Variants in OR4E2 observed in about 807,000 individuals in gnomAD.
The protein encoded by OR4E2 is olfactory receptor 4E2.
A neutral mutation model predicts 11.0 loss-of-function variants in OR4E2; 9 were observed. The ratio of observed to expected loss-of-function variants is 0.82; its 90% CI spans 0.49 to 1.43. The LOEUF (loss-of-function observed/expected upper bound fraction) is 1.43, where lower values mean the gene tolerates loss of function less well. Among genes scored for constraint, OR4E2 ranks in the 40% most tolerant of loss-of-function variants. The pLI is 0.00. For missense variants in OR4E2, 441 were observed against 382.0 expected (o/e 1.15, Z -1.29); for synonymous variants, 159 against 147.3 (o/e 1.08, Z -0.57).
At chr14:21,663,947 G>A (rs1209788737) in intron 3 of OR4E2, among the ~76,000 whole-genome samples, 1 of 152,082 alleles carries the variant, frequency 6.6e-6, no homozygotes, top group Non-Finnish European at 1.5e-5. Flanking sequence ...TCCTTTTTAT[G>A]GCTGCATAAT....
Position 21,666,859 on chromosome 14 carries a change from T to A in OR4E2, c.*835T>A, listed in dbSNP as rs1042250763. 1 of 152,228 alleles carries A rather than the reference T, an allele frequency of 6.6e-6. No homozygotes were observed. The highest frequency in any genetic ancestry group is 2.1e-4 in the South Asian group (1 of 4,820). The allele number at this position is 152,228 out of a possible 1,614,324, so 9.4% of individuals were successfully genotyped here. A position where few individuals can be genotyped will look rare whatever the true frequency, so the allele number is the denominator to read the frequency against. ...GGTGCATGCCATCATGCCTGGCTAATTTTTATATGTTTAGTAGAGATGAGG... is the reference window on the plus strand; with the variant it reads ...GGTGCATGCCATCATGCCTGGCTAAATTTTATATGTTTAGTAGAGATGAGG... On this transcript the variant is annotated 3_prime_UTR_variant, in exon 4 of 4. Coordinates refer to ENST00000641524, the MANE Select transcript of OR4E2 (RefSeq NM_001001912.3).
At chr14:21,656,261 G>C (rs976924855) in intron 1 of OR4E2, among the ~76,000 whole-genome samples, 1 of 152,026 alleles carries the variant, frequency 6.6e-6, no homozygotes, top group African/African-American at 2.4e-5. Flanking sequence ...TTGGGAGGTT[G>C]AGATGGGAGA....
At chr14:21,654,987 T>C (rs949134729) in intron 1 of OR4E2, among the ~76,000 whole-genome samples, 1 of 152,182 alleles carries the variant, frequency 6.6e-6, no homozygotes, top group Non-Finnish European at 1.5e-5. Context: ...CGCCACATTA[T>C]GGAGGGCAAT....
At chr14:21,658,791 G>A (rs911831992) in intron 2 of OR4E2, among the ~76,000 whole-genome samples, 2 of 152,042 alleles carry the variant, frequency 1.3e-5, no homozygotes, top group Non-Finnish European at 2.9e-5. Context: ...GGAAGAGATA[G>A]ATTTCATTGA....
In OR4E2 at chr14:21,666,148, C is replaced by A; in HGVS notation, c.*124C>A. 1.5e-6 allele frequency: 1 copy of A among 647,674 alleles called. No homozygotes were observed. Among genetic ancestry groups the A allele is most frequent in the Non-Finnish European group, 2.7e-6 (1 of 372,954 alleles). 40.1% of individuals were successfully genotyped at this position (647,674 alleles called of 1,614,324 possible). ...AAATGGCATAGAGCAGGTCAGATTT[C>A]TGCTCATTAAAGATAAGAACTTATT... On this transcript the variant is annotated 3_prime_UTR_variant, in exon 4 of 4. Coordinates refer to ENST00000641524, the MANE Select transcript of OR4E2 (RefSeq NM_001001912.3).
intron 2 of OR4E2, among the ~76,000 whole-genome samples, chr14:21,657,389 T>C (rs13353110): frequency 0.073 from 5,952 of 81,858 alleles, 274 homozygotes; most frequent in Admixed American, 0.15. Context: ...TTCCTTCCTT[T>C]CTTTCTTCCT....
intron 1 of OR4E2, among the ~76,000 whole-genome samples, chr14:21,654,386 A>ACACACACACACGCACG (rs1879811341): frequency 2.0e-5 from 3 of 151,014 alleles, no homozygotes; most frequent in South Asian, 4.2e-4. Flanking sequence ...ACACGCATGC[A>ACACACACACACGCACG]CACACACACA....
chr14:21,661,159 CA>C (rs1343001512), intron 3 of OR4E2, among the ~76,000 whole-genome samples: 3 of 152,058 alleles, frequency 2.0e-5, no homozygotes, highest in Non-Finnish European at 4.4e-5. Context: ...AAAATCCTAT[CA>C]TTTCCTTCAA....
chr14:21,665,342 T>C lies in OR4E2; in HGVS notation c.260T>C (p.Leu87Ser). ...TVPKMLEGLL[L>S]ERKTISFDNC... The stretch of plus-strand genomic sequence containing the variant: ...CCTAAGATGTTGGAGGGTTTGCTTT[T>C]AGAAAGAAAGACCATTTCCTTTGAC... The change falls in exon 4 of 4, where the codon TTA (leucine) becomes TCA (serine). Residue 87 changes from leucine to serine, a missense_variant. Leu to Ser is a moderately radical substitution (Grantham distance 145). Transcript: ENST00000641524. 6.2e-7 allele frequency: 1 copy of C among 1,614,200 alleles called. No homozygotes were observed. Among genetic ancestry groups the C allele is most frequent in the Non-Finnish European group, 8.5e-7 (1 of 1,180,030 alleles).
chr14:21,655,262 T>C (rs1566579980), intron 1 of OR4E2, among the ~76,000 whole-genome samples: 1 of 152,236 alleles, frequency 6.6e-6, no homozygotes, highest in Non-Finnish European at 1.5e-5. Context: ...AATTTATATA[T>C]GTATATTGAC....
In OR4E2 at chr14:21,665,816, T is replaced by C. The variant is rs767639660; in HGVS notation, c.734T>C (p.Met245Thr). ...CTGTCTACCTGCTCGGCCCACTTCA[T>C]GGTGGTTGCCCTCTTCTTTGGGCCA... Reference protein sequence around the residue: ...KALSTCSAHFMVVALFFGPCI... With the variant: ...KALSTCSAHFTVVALFFGPCI... Residue 245 changes from methionine to threonine, a missense_variant, in exon 4 of 4, where the codon ATG (methionine) becomes ACG (threonine). By Grantham distance (81) the Met-to-Thr change is moderately conservative. Coordinates refer to ENST00000641524, the MANE Select transcript of OR4E2 (RefSeq NM_001001912.3). 5.0e-6 allele frequency: 8 copies of C among 1,613,512 alleles called. No homozygotes were observed. The East Asian group carries it at 1.8e-4, about 36-fold the overall frequency.
At chr14:21,659,004 T>TTGCAG (rs1880169037) in intron 2 of OR4E2, among the ~76,000 whole-genome samples, 1 of 152,188 alleles carries the variant, frequency 6.6e-6, no homozygotes, top group Admixed American at 6.5e-5. Context: ...TAATTCTTCC[T>TTGCAG]TGCAGTGCTA....
chr14:21,654,463 GCACACA>G (rs371391116), intron 1 of OR4E2, among the ~76,000 whole-genome samples: 6 of 145,694 alleles, frequency 4.1e-5, no homozygotes, highest in Non-Finnish European at 7.6e-5. Context: ...ACACACAGAT[GCACACA>G]CACACACACG....
intron 1 of OR4E2, among the ~76,000 whole-genome samples, chr14:21,654,677 A>T (rs140998813): frequency 2.0e-4 from 31 of 152,248 alleles, no homozygotes; most frequent in East Asian, 1.3e-3. Flanking sequence ...AAATCTGCGT[A>T]TAAGTGGACT....
intron 1 of OR4E2, among the ~76,000 whole-genome samples, chr14:21,655,835 G>A (rs1229849895): frequency 6.6e-6 from 1 of 151,940 alleles, no homozygotes. Flanking sequence ...AGTTCCAATG[G>A]TGCCCATGGT....
chr14:21,665,250 T>A lies in OR4E2; in HGVS notation c.168T>A (p.His56Gln). ...IIATVFTPSL[H>Q]TPMYFFLSNL... ...CCACAGTCTTTACTCCAAGTCTCCA[T>A]ACCCCCATGTATTTCTTCCTGAGCA... Residue 56 changes from histidine to glutamine, a missense_variant, in exon 4 of 4, where the codon CAT becomes CAA. Transcript: ENST00000641524. 6.2e-7 allele frequency: 1 copy of A among 1,614,096 alleles called. No individual in the cohort carries two copies. Among genetic ancestry groups the A allele is most frequent in the Non-Finnish European group, 8.5e-7 (1 of 1,179,966 alleles).
rs760100968 is a variant in OR4E2, at chr14:21,666,894, G to T, written c.*870G>T. On this transcript the variant is annotated 3_prime_UTR_variant, in exon 4 of 4. Coordinates refer to ENST00000641524, the MANE Select transcript of OR4E2 (RefSeq NM_001001912.3). ...TTTAGTAGAGATGAGGTTTTACCAC[G>T]TTGGCCAGGCTGGTCTCAAAACTCC... 6.6e-6 allele frequency: 1 copy of T among 151,976 alleles called. No homozygotes were observed. Among genetic ancestry groups the T allele is most frequent in the African/African-American group, 2.4e-5 (1 of 41,360 alleles). The allele number at this position is 151,976 out of a possible 1,614,324, so 9.4% of individuals were successfully genotyped here. A position where few individuals can be genotyped will look rare whatever the true frequency, so the allele number is the denominator to read the frequency against.
At chr14:21,660,835 T>C (rs936600630) in intron 3 of OR4E2, 89 bp downstream of exon 3, 3 of 152,044 alleles carry the variant, frequency 2.0e-5, no homozygotes, top group Non-Finnish European at 4.4e-5. Context: ...TTTTTAATAG[T>C]GAGAAATTAG....
chr14:21,654,917 T>G (rs1879860417), intron 1 of OR4E2, among the ~76,000 whole-genome samples: 1 of 152,150 alleles, frequency 6.6e-6, no homozygotes, highest in Non-Finnish European at 1.5e-5. Context: ...ATAGAATTCT[T>G]TCTTCTTCTT....
Sources: allele counts gnomAD v4.1 joint callset (sites outside exome capture counted in the v4.1 genomes callset), GRCh38; gene constraint gnomAD v4.1.1; transcripts MANE v1.5; gene names NCBI Gene and HGNC (gene_info 2026-07-23, HGNC 2026-07-21).